MOBP: variants seen among roughly 807,000 people sequenced by gnomAD.
MOBP encodes the protein myelin associated oligodendrocyte basic protein.
MOBP carries 5 observed loss-of-function variants against 15.0 expected under a neutral mutation model. The ratio of observed to expected loss-of-function variants is 0.33; its 90% CI spans 0.17 to 0.70. The LOEUF is 0.70. MOBP is among the 30% of genes least tolerant of loss of function. MOBP has a pLI of 0.67. For synonymous variants in MOBP, 88 were observed against 99.0 expected (o/e 0.89, Z 0.66); for missense variants, 188 against 257.8 (o/e 0.73, Z 1.85).
At chr3:39,528,768 T>A (rs1368659195), downstream of MOBP, 2 of 152,262 alleles carry the variant, frequency 1.3e-5, no homozygotes, top group East Asian at 3.8e-4. Flanking sequence ...GGGCTTCTAG[T>A]GATGCTAGGG....
intron 1 of MOBP, among the ~76,000 whole-genome samples, chr3:39,474,588 C>T (rs569352118): frequency 9.9e-5 from 15 of 152,238 alleles, no homozygotes; most frequent in East Asian, 9.6e-4. Context: ...ATATGGCAGA[C>T]GACTATACAT....
chr3:39,514,668 G>A (rs567123181), exon 5 of MOBP: 1 of 152,392 alleles, frequency 6.6e-6, no homozygotes, highest in South Asian at 2.1e-4. Context: ...CTCTGTGTAG[G>A]AGGCCATTTC....
chr3:39,488,012 A>G (rs1412981239), intron 2 of MOBP, among the ~76,000 whole-genome samples: 1 of 152,072 alleles, frequency 6.6e-6, no homozygotes, highest in Non-Finnish European at 1.5e-5. Context: ...CTATTTATTC[A>G]TGCATTCTTT....
At position 39,469,037 on chromosome 3, in the gene MOBP, T is replaced by C. The variant is rs1346272682; in HGVS notation, c.-89+1297T>C. Among the ~76,000 whole-genome samples, 264 of 101,678 alleles carry C rather than the reference T, an allele frequency of 2.6e-3. 69 individuals are homozygous for C. Among genetic ancestry groups the C allele is most frequent in the Middle Eastern group, 0.023 (2 of 88 alleles). The allele number at this position is 101,678 out of a possible 152,430, so 66.7% of individuals were successfully genotyped here. On this transcript the variant is annotated intron_variant, in intron 1 of 3. Transcript: ENST00000684792. ...ATACATATGTGTGTATATATATACA[T>C]ATATACATATGTGTGTGTATATACA...
Position 39,487,376 on chromosome 3 carries a change from T to C in MOBP, c.-5+7253T>C, listed in dbSNP as rs934755569. ...CATATATCAAGTTCTCTTGTTAATATGGTTGTGTTTCTATTTTTGAATAGA... is the reference window on the plus strand; with the variant it reads ...CATATATCAAGTTCTCTTGTTAATACGGTTGTGTTTCTATTTTTGAATAGA... On this transcript the variant is annotated intron_variant, in intron 2 of 3. Transcript: ENST00000684792. Among the ~76,000 whole-genome samples, 3 of 152,346 alleles carry C rather than the reference T, an allele frequency of 2.0e-5. 1 individual carries two copies. In the Middle Eastern group the frequency reaches 0.01, roughly 518 times the overall value.
intron 1 of MOBP, among the ~76,000 whole-genome samples, chr3:39,477,866 A>T (rs1262103147): frequency 1.3e-5 from 2 of 151,988 alleles, no homozygotes; most frequent in Non-Finnish European, 2.9e-5. Flanking sequence ...TAAAAATTTT[A>T]AAAATAGAAA....
At chr3:39,524,736 C>A (rs368369376) in exon 5 of MOBP, 1 of 152,012 alleles carries the variant, frequency 6.6e-6, no homozygotes, top group Non-Finnish European at 1.5e-5. Context: ...AGTAGGTACA[C>A]GTAAATCTGT....
intron 2 of MOBP, 80 bp from the exon 3 acceptor site, chr3:39,501,985 AG>A (rs1369809055): frequency 2.5e-6 from 3 of 1,180,118 alleles, no homozygotes; most frequent in Admixed American, 3.7e-5. Context: ...TGGGAGTAGC[AG>A]GGGGCTTCCA....
chr3:39,521,072 C>T (rs769836367), intron 3 of MOBP, among the ~76,000 whole-genome samples: 1 of 152,024 alleles, frequency 6.6e-6, no homozygotes, highest in Non-Finnish European at 1.5e-5. Context: ...GCCTCAGCTC[C>T]CGAGGAGCTG....
chr3:39,513,568 TC>T (rs915390165), exon 5 of MOBP: 2 of 807,408 alleles, frequency 2.5e-6, no homozygotes, highest in Non-Finnish European at 4.0e-6. Flanking sequence ...ATGCTCATGG[TC>T]CCCATGGCAT....
intron 2 of MOBP, chr3:39,500,101 C>G (rs1015435543): frequency 1.1e-5 from 5 of 455,748 alleles, no homozygotes; most frequent in Non-Finnish European, 1.3e-5. Flanking sequence ...TTTATCTGCT[C>G]TACCCACTTC....
downstream of MOBP, among the ~76,000 whole-genome samples, chr3:39,518,669 G>A (rs2043230077): frequency 6.6e-6 from 1 of 152,168 alleles, no homozygotes; most frequent in East Asian, 1.9e-4. Flanking sequence ...CTTGATTAAT[G>A]ATGCAATGGA....
rs1441278510 is a variant in MOBP, at chr3:39,502,049, G to C, written c.-4-17G>C. ...CGTTTATGTCTCCTCCTGTCTCCTT[G>C]CATCGGCGATTTCCAGTGAGATGAG... On this transcript the variant is annotated splice_polypyrimidine_tract_variant and intron_variant, in intron 2 of 3. Coordinates refer to ENST00000684792, the MANE Select transcript of MOBP (RefSeq NM_001393704.1). This position sits in a 1 kb window ranked among gnomAD's most constrained non-coding sequence, Gnocchi z 6.3. The C allele has an allele frequency of 6.2e-7, 1 of 1,610,340 alleles. No homozygotes were observed. Among genetic ancestry groups the C allele is most frequent in the East Asian group, 2.2e-5 (1 of 44,874 alleles).
intron 2 of MOBP, among the ~76,000 whole-genome samples, chr3:39,485,623 C>T (rs2042693275): frequency 1.3e-5 from 2 of 152,216 alleles, no homozygotes; most frequent in Admixed American, 1.3e-4. Context: ...CGTGTGCACT[C>T]CTCACTTGCA....
At chr3:39,472,715 C>T (rs2042488628) in intron 1 of MOBP, among the ~76,000 whole-genome samples, 1 of 152,136 alleles carries the variant, frequency 6.6e-6, no homozygotes, top group Non-Finnish European at 1.5e-5. Context: ...CACTTGAGCT[C>T]AGGAGTTTAA....
chr3:39,489,690 C>CCCT (rs3036563), intron 2 of MOBP, among the ~76,000 whole-genome samples: 3 of 150,350 alleles, frequency 2.0e-5, no homozygotes, highest in African/African-American at 7.5e-5. Context: ...TATTGTTCCC[C>CCCT]GCCCAGCTCC....
chr3:39,495,014 G>C (rs1285624720), intron 2 of MOBP, among the ~76,000 whole-genome samples: 2 of 152,082 alleles, frequency 1.3e-5, no homozygotes, highest in Non-Finnish European at 2.9e-5. Flanking sequence ...CACCTCACAG[G>C]AAGTGGCTTC....
downstream of MOBP, among the ~76,000 whole-genome samples, chr3:39,517,199 A>C (rs2043214541): frequency 6.6e-6 from 1 of 152,212 alleles, no homozygotes; most frequent in Non-Finnish European, 1.5e-5. Context: ...ATACACTTGC[A>C]GGGATGGTTG....
At chr3:39,523,666 T>G (rs987695686) in intron 3 of MOBP, among the ~76,000 whole-genome samples, 1 of 152,252 alleles carries the variant, frequency 6.6e-6, no homozygotes, top group Non-Finnish European at 1.5e-5. Flanking sequence ...TTTTGCTTAA[T>G]TTTAATACCT....
Sources: allele counts gnomAD v4.1 joint callset (sites outside exome capture counted in the v4.1 genomes callset), GRCh38; gene constraint gnomAD v4.1.1; non-coding constraint Gnocchi (gnomAD v3.1); transcripts MANE v1.5; gene names NCBI Gene and HGNC (gene_info 2026-07-23, HGNC 2026-07-21).